CACNA1E: variants seen among roughly 807,000 people sequenced by gnomAD.
CACNA1E encodes calcium voltage-gated channel subunit alpha1 E, also known as voltage-dependent R-type calcium channel subunit alpha-1E.
In CACNA1E, 40 loss-of-function variants were observed where a neutral mutation model predicts 259.2. The ratio of observed to expected loss-of-function variants is 0.15; its 90% CI spans 0.12 to 0.20. CACNA1E has a LOEUF of 0.20. CACNA1E is among the 10% of genes least tolerant of loss of function. The pLI is 1.00. For synonymous variants in CACNA1E, 1,104 were observed against 1,138.5 expected (o/e 0.97, Z 0.61); for missense variants, 1,874 against 3,040.1 (o/e 0.62, Z 9.02).
At chr1:181,460,710 G>A (rs1379805860) in intron 2 of CACNA1E, among the ~76,000 whole-genome samples, 1 of 152,172 alleles carries the variant, frequency 6.6e-6, no homozygotes, top group Non-Finnish European at 1.5e-5. Flanking sequence ...TTTACACTTA[G>A]AGTAGTATTT....
chr1:181,781,243 G>A (rs748417861), intron 38 of CACNA1E, among the ~76,000 whole-genome samples, 184 bp from the exon 39 acceptor site: 10 of 151,994 alleles, frequency 6.6e-5, no homozygotes, highest in African/African-American at 1.2e-4. Context: ...TTCTTTTCCC[G>A]TTTGTCCATT....
intron 35 of CACNA1E, among the ~76,000 whole-genome samples, chr1:181,771,029 A>G (rs968463041): frequency 6.6e-6 from 1 of 152,170 alleles, no homozygotes; most frequent in Admixed American, 6.5e-5. Flanking sequence ...GTACAGGCAG[A>G]ATGACTTCAA....
rs368922708 is a variant in CACNA1E at position 181,733,502 on chromosome 1, C to A, written c.3014C>A (p.Pro1005His). 1.9e-6 allele frequency: 3 copies of A among 1,600,876 alleles called. No individual in the cohort carries two copies. Among genetic ancestry groups the A allele is most frequent in the Admixed American group, 1.7e-5 (1 of 59,120 alleles). The stretch of plus-strand genomic sequence containing the variant: ...GGAGGCCTTGATGAGGCTGACACCC[C>A]CCTAGTCCTGCCCCATCCTGAGCTG... ...LAGGLDEADT[P>H]LVLPHPELEV... The change falls in exon 21 of 48, where the codon CCC (proline) becomes CAC (histidine). Residue 1005 changes from proline to histidine, a missense_variant. Pro to His is a moderately conservative substitution (Grantham distance 77, BLOSUM62 -2). Coordinates refer to ENST00000367573, the MANE Select transcript of CACNA1E (RefSeq NM_001205293.3).
chr1:181,407,736 T>C (rs1161262021), intron 1 of CACNA1E, among the ~76,000 whole-genome samples: 2 of 152,178 alleles, frequency 1.3e-5, no homozygotes, highest in Non-Finnish European at 2.9e-5. Flanking sequence ...CAGGGAATGT[T>C]TCCTCTCAGA....
intron 36 of CACNA1E, chr1:181,771,604 C>T: frequency 1.9e-6 from 1 of 540,224 alleles, no homozygotes; most frequent in Non-Finnish European, 3.3e-6. Flanking sequence ...CTGATCTTGT[C>T]TGATCTTGGA....
At chr1:181,762,487 A>G in intron 32 of CACNA1E, 87 bp from the exon 33 acceptor site, 1 of 802,064 alleles carries the variant, frequency 1.2e-6, no homozygotes, top group East Asian at 2.6e-5. Flanking sequence ...TCCAAGGGAC[A>G]AACAAAGTTA....
intron 7 of CACNA1E, among the ~76,000 whole-genome samples, chr1:181,708,087 G>A (rs935856702): frequency 1.1e-4 from 16 of 152,178 alleles, no homozygotes; most frequent in Non-Finnish European, 2.1e-4. Flanking sequence ...AGCCTTGAAC[G>A]CCCATCCTGC....
In CACNA1E at chr1:181,776,262, C is replaced by T. The variant is rs1377941563; in HGVS notation, c.5267+34C>T. 1 of 1,611,336 alleles carries T rather than the reference C, an allele frequency of 6.2e-7. No individual in the cohort carries two copies. The highest frequency in any genetic ancestry group is 1.7e-5 in the Admixed American group (1 of 60,016). On this transcript the variant is annotated intron_variant, in intron 38 of 47. Transcript: ENST00000367573. This position sits in a 1 kb window ranked among gnomAD's most constrained non-coding sequence, Gnocchi z 4.4. ...GCCCCTCGGCCGCCCCAGCGGGGCC[C>T]AGAGCAAAGGTCTCTGGAGTTCCCA...
intron 2 of CACNA1E, among the ~76,000 whole-genome samples, chr1:181,466,886 C>A (rs1571936142): frequency 6.6e-6 from 1 of 152,140 alleles, no homozygotes; most frequent in East Asian, 1.9e-4. Context: ...AATAGGAAAG[C>A]ATAAAATAGT....
chr1:181,510,271 C>G (rs1360094958), intron 1 of CACNA1E, among the ~76,000 whole-genome samples: 1 of 152,136 alleles, frequency 6.6e-6, no homozygotes, highest in African/African-American at 2.4e-5. Context: ...GTTCAGAGAC[C>G]AGGCACAAAT....
intron 1 of CACNA1E, among the ~76,000 whole-genome samples, chr1:181,353,417 C>T (rs1653185174): frequency 6.6e-6 from 1 of 152,144 alleles, no homozygotes. Flanking sequence ...TCAAGGGTGG[C>T]TTTCTGGAGG....
chr1:181,584,667 T>C (rs897292968), intron 6 of CACNA1E, among the ~76,000 whole-genome samples: 3 of 152,208 alleles, frequency 2.0e-5, no homozygotes, highest in African/African-American at 7.2e-5. Context: ...AAACTACCAT[T>C]CTCTTTATGA....
At chr1:181,373,708 T>A (rs1654877698) in intron 1 of CACNA1E, among the ~76,000 whole-genome samples, 1 of 151,980 alleles carries the variant, frequency 6.6e-6, no homozygotes, top group East Asian at 1.9e-4. Flanking sequence ...CGGCTAACTT[T>A]TTGTATTTTT....
intron 8 of CACNA1E, among the ~76,000 whole-genome samples, chr1:181,712,481 GA>G (rs1449265945): frequency 6.6e-6 from 1 of 152,096 alleles, no homozygotes; most frequent in African/African-American, 2.4e-5. Context: ...CACTTACTGT[GA>G]CTGCCAACAC....
intron 2 of CACNA1E, among the ~76,000 whole-genome samples, chr1:181,424,667 G>A (rs1571837479): frequency 6.6e-6 from 1 of 152,216 alleles, no homozygotes; most frequent in African/African-American, 2.4e-5. Context: ...GCCATTGGAT[G>A]CCCTGAGAGA....
At chr1:181,680,922 A>G (rs1336640964) in intron 7 of CACNA1E, among the ~76,000 whole-genome samples, 2 of 152,048 alleles carry the variant, frequency 1.3e-5, no homozygotes, top group Non-Finnish European at 2.9e-5. Context: ...TCACACAGGG[A>G]CTCAGGCTGA....
chr1:181,544,956 C>T (rs1398074367), intron 3 of CACNA1E, among the ~76,000 whole-genome samples: 2 of 152,168 alleles, frequency 1.3e-5, no homozygotes, highest in African/African-American at 2.4e-5. Context: ...CAAACTTCAG[C>T]GTGCATCAAA....
intron 7 of CACNA1E, among the ~76,000 whole-genome samples, chr1:181,664,931 G>A (rs1233604030): frequency 1.3e-5 from 2 of 152,114 alleles, no homozygotes; most frequent in Admixed American, 6.5e-5. Flanking sequence ...TTTTTAAAGC[G>A]AACTGTTGAC....
chr1:181,440,205 G>C (rs745898952), intron 2 of CACNA1E, among the ~76,000 whole-genome samples: 4 of 152,188 alleles, frequency 2.6e-5, no homozygotes, highest in Non-Finnish European at 5.9e-5. Flanking sequence ...GTGTGCGGGG[G>C]AAAGAGGCAA....
Sources: gnomAD v4.1 joint callset for allele counts (sites outside exome capture counted in the v4.1 genomes callset) on GRCh38, gnomAD v4.1.1 for gene constraint, Gnocchi (gnomAD v3.1) non-coding constraint, MANE v1.5 for transcripts, NCBI Gene and HGNC (gene_info 2026-07-23, HGNC 2026-07-21) for gene names.